Variants in LRP1 observed in about 807,000 individuals in gnomAD.
The protein encoded by LRP1 is prolow-density lipoprotein receptor-related protein 1.
Under a neutral mutation model 541.5 loss-of-function variants are expected in LRP1, and 51 were observed. That is an observed-to-expected ratio of 0.09 (90% CI 0.08 to 0.12). The LOEUF is 0.12. Ranked by LOEUF, LRP1 falls within the 10% of genes least tolerant of loss-of-function variation. LRP1 has a pLI of 1.00. For synonymous variants in LRP1, 2,219 were observed against 2,470.8 expected (o/e 0.90, Z 3.02); for missense variants, 3,878 against 6,376.2 (o/e 0.61, Z 13.34).
In LRP1 at chr12:57,202,543, T is replaced by TGGGCGCC; in HGVS notation, c.10711+6_10711+7insGGGCGCC. ...CTCCGATGAAGAGAGCTGCAGTACGTCCCCACCCACCCAGCCCCGCATGAG... is the reference window on the plus strand; with the variant it reads ...CTCCGATGAAGAGAGCTGCAGTACGTGGGCGCCCCCCACCCACCCAGCCCCGCATGAG... On this transcript the variant is annotated splice_region_variant and intron_variant, in intron 68 of 88. Coordinates refer to ENST00000243077, the MANE Select transcript of LRP1 (RefSeq NM_002332.3). 6.6e-7 allele frequency: 1 copy of TGGGCGCC among 1,523,634 alleles called. No individual in the cohort carries two copies. The highest frequency in any genetic ancestry group is 8.9e-7 in the Non-Finnish European group (1 of 1,124,812). 94.4% of individuals were successfully genotyped at this position (1,523,634 alleles called of 1,614,324 possible).
At chr12:57,172,248 G>A (rs1004082159) in intron 20 of LRP1, among the ~76,000 whole-genome samples, 6 of 151,802 alleles carry the variant, frequency 4.0e-5, no homozygotes, top group African/African-American at 1.2e-4. Flanking sequence ...TCAGCTCACT[G>A]CAAGCTCCGC....
rs749283705 is a variant in LRP1 at position 57,197,135 on chromosome 12, G to A, written c.9046G>A (p.Gly3016Ser). The A allele has an allele frequency of 2.2e-5, 36 of 1,613,822 alleles. No individual in the cohort carries two copies. The highest frequency in any genetic ancestry group is 2.1e-4 in the South Asian group (19 of 91,086). Residue 3016 changes from glycine to serine, a missense_variant, in exon 56 of 89, where the codon GGC (glycine) becomes AGC (serine). Transcript: ENST00000243077. This position sits in a 1 kb window ranked among gnomAD's most constrained non-coding sequence, Gnocchi z 4.5. ...TGTGGAGGGCTATGCACCCCGCGGC[G>A]GCGACCCCCACAGCTGCAAGGCTGT... ...LCVEGYAPRG[G>S]DPHSCKAVTD... is the part of the protein sequence containing the mutation.
Position 57,158,457 on chromosome 12 carries a change from G to T in LRP1, c.1617G>T (p.Arg539=), listed in dbSNP as rs546104565. The change falls in exon 11 of 89, where the codon CGG becomes CGT. Residue 539 remains arginine (R), a synonymous_variant. Coordinates refer to ENST00000243077, the MANE Select transcript of LRP1 (RefSeq NM_002332.3). The surrounding 1 kb of genome is among the most constrained non-coding windows in gnomAD (Gnocchi z 5.3). The stretch of plus-strand genomic sequence containing the variant: ...GCAAGGGCCGGCCAGGCATCATCCG[G>T]GGCATGGATATGGGGGCCAAGGTCC... ...VYGKGRPGII[R]GMDMGAKVPD... 1.4e-4 allele frequency: 222 copies of T among 1,614,014 alleles called. 1 individual carries two copies. The highest frequency in any genetic ancestry group is 1.8e-4 in the Non-Finnish European group (211 of 1,179,968).
chr12:57,206,635 A>G lies in LRP1; in HGVS notation c.11753A>G (p.Asn3918Ser), dbSNP rs1463876653. 21 of 1,613,960 alleles carry G rather than the reference A, an allele frequency of 1.3e-5. No individual in the cohort carries two copies. Among genetic ancestry groups the G allele is most frequent in the Non-Finnish European group, 1.6e-5 (19 of 1,180,028 alleles). Residue 3918 changes from asparagine to serine, a missense_variant, in exon 76 of 89, where the codon AAC becomes AGC. Physicochemically the swap from Asn to Ser is conservative, Grantham distance 46. This residue lies in a region of LRP1 where 871 missense variants were observed against 1,212.4 expected (regional missense o/e 0.72). Coordinates refer to ENST00000243077, the MANE Select transcript of LRP1 (RefSeq NM_002332.3). The surrounding 1 kb of genome is among the most constrained non-coding windows in gnomAD (Gnocchi z 4.7). ...AAGGCTGGCCGTGTCTATTGGACCAACTGGCACACGGGCACCATCTCCTAC... is the reference window on the plus strand; with the variant it reads ...AAGGCTGGCCGTGTCTATTGGACCAGCTGGCACACGGGCACCATCTCCTAC... ...HVKAGRVYWT[N>S]WHTGTISYRS...
intron 1 of LRP1, among the ~76,000 whole-genome samples, chr12:57,129,850 T>C (rs766151761): frequency 1.9e-4 from 29 of 152,150 alleles, no homozygotes; most frequent in Non-Finnish European, 3.8e-4. Context: ...TCTGGCTTCA[T>C]CACAGTTTGG....
Position 57,167,053 on chromosome 12 carries a change from G to A in LRP1, c.2914+7G>A. The A allele has an allele frequency of 6.2e-7, 1 of 1,610,592 alleles. No homozygotes were observed. Among genetic ancestry groups the A allele is most frequent in the Non-Finnish European group, 8.5e-7 (1 of 1,176,966 alleles). Reference sequence around the variant, plus strand: ...GATGAGTCTGCTTCGTGTGGTAAGAGGGATGGGCAGAGGGAGTCAGGCTGG... The same window carrying A: ...GATGAGTCTGCTTCGTGTGGTAAGAAGGATGGGCAGAGGGAGTCAGGCTGG... On this transcript the variant is annotated splice_region_variant and intron_variant, in intron 18 of 88. Coordinates refer to ENST00000243077, the MANE Select transcript of LRP1 (RefSeq NM_002332.3).
At position 57,143,790 on chromosome 12, in the gene LRP1, C is replaced by A. The variant is rs1406999652; in HGVS notation, c.440C>A (p.Thr147Asn). ...SSFQLQADGK[T>N]CKDFDECSVY... ...TTTCAGCTTCAGGCAGATGGCAAGA[C>A]CTGCAAAGGTATGTGAGTGCATGTG... The change falls in exon 4 of 89, where the codon ACC becomes AAC. Residue 147 changes from threonine to asparagine, a missense_variant. Physicochemically the swap from Thr to Asn is moderately conservative, Grantham distance 65. Transcript: ENST00000243077. The A allele has an allele frequency of 3.1e-6, 5 of 1,613,680 alleles. No homozygotes were observed. The highest frequency in any genetic ancestry group is 1.1e-5 in the South Asian group (1 of 90,988).
At position 57,180,394 on chromosome 12, in the gene LRP1, C is replaced by G; in HGVS notation, c.5301C>G (p.Asn1767Lys). 1 of 1,614,200 alleles carries G rather than the reference C, an allele frequency of 6.2e-7. No homozygotes were observed. Among genetic ancestry groups the G allele is most frequent in the Non-Finnish European group, 8.5e-7 (1 of 1,180,044 alleles). The change falls in exon 32 of 89, where the codon AAC (asparagine) becomes AAG (lysine). Residue 1767 changes from asparagine (N) to lysine (K), a missense_variant. By Grantham distance (94) the Asn-to-Lys change is moderately conservative. This residue lies in a region of LRP1 where 394 missense variants were observed against 635.9 expected (regional missense o/e 0.62). Coordinates refer to ENST00000243077, the MANE Select transcript of LRP1 (RefSeq NM_002332.3). ...TCAGCTCCGGGAACCATACCATCAA[C>G]CGCTGCAACCTGGATGGGAGTGGGC... ...YWISSGNHTI[N>K]RCNLDGSGLE...
intron 1 of LRP1, 188 bp downstream of exon 1, chr12:57,129,219 A>C (rs1250414500): frequency 4.9e-6 from 3 of 609,444 alleles, no homozygotes; most frequent in Admixed American, 2.8e-5. Flanking sequence ...GCCCTGGGCA[A>C]ATGATGCTTC....
Position 57,162,823 on chromosome 12 carries a change from C to T in LRP1, c.2405-35C>T. Reference sequence around the variant, plus strand: ...TTCTCTGACCTCTCCTCACCTCTTCCTCCCTTTGCCTTTCCCCATGGCCCT... The same window carrying T: ...TTCTCTGACCTCTCCTCACCTCTTCTTCCCTTTGCCTTTCCCCATGGCCCT... On this transcript the variant is annotated intron_variant, in intron 14 of 88. Transcript: ENST00000243077. The surrounding 1 kb of genome is among the most constrained non-coding windows in gnomAD (Gnocchi z 5.2). 1 of 1,582,808 alleles carries T rather than the reference C, an allele frequency of 6.3e-7. No homozygotes were observed. Among genetic ancestry groups the T allele is most frequent in the South Asian group, 1.2e-5 (1 of 86,500 alleles).
chr12:57,209,382 C>T (rs534281777), intron 79 of LRP1, among the ~76,000 whole-genome samples, 183 bp downstream of exon 79: 1 of 152,384 alleles, frequency 6.6e-6, no homozygotes, highest in South Asian at 2.1e-4. Context: ...GCCTGAGACC[C>T]ACCCTGACCC....
At position 57,206,656 on chromosome 12, in the gene LRP1, C is replaced by T; in HGVS notation, c.11774C>T (p.Ser3925Phe). 4 of 1,613,966 alleles carry T rather than the reference C, an allele frequency of 2.5e-6. No individual in the cohort carries two copies. Among genetic ancestry groups the T allele is most frequent in the Non-Finnish European group, 3.4e-6 (4 of 1,180,034 alleles). The change falls in exon 76 of 89, where the codon TCC becomes TTC. Residue 3925 changes from serine (S) to phenylalanine (F), a missense_variant. This residue lies in a region of LRP1 where 871 missense variants were observed against 1,212.4 expected (regional missense o/e 0.72). Transcript: ENST00000243077. This position sits in a 1 kb window ranked among gnomAD's most constrained non-coding sequence, Gnocchi z 4.7. ...YWTNWHTGTI[S>F]YRSLPPAAPP... The stretch of plus-strand genomic sequence containing the variant: ...ACCAACTGGCACACGGGCACCATCT[C>T]CTACCGCAGCCTGCCACCTGCTGCG...
Position 57,194,669 on chromosome 12 carries a change from T to C in LRP1, c.8161T>C (p.Cys2721Arg). Residue 2721 changes from cysteine (C) to arginine (R), a missense_variant, in exon 50 of 89, where the codon TGT (cysteine) becomes CGT (arginine). By Grantham distance (180) the Cys-to-Arg change is radical. Around this residue, in one of 13 missense-constraint regions of LRP1, gnomAD observed 1,100 missense variants for 1,827.4 expected, o/e 0.60. Transcript: ENST00000243077. Reference protein sequence around the residue: ...MSWTCDKEDDCEHGEDETHCN... With the variant: ...MSWTCDKEDDREHGEDETHCN... ...CTGGACGTGTGACAAAGAGGATGAC[T>C]GTGAACATGGCGAGGACGAGACCCA... 6.3e-7 allele frequency: 1 copy of C among 1,592,750 alleles called. No homozygotes were observed. The highest frequency in any genetic ancestry group is 8.5e-7 in the Non-Finnish European group (1 of 1,169,654).
At position 57,179,379 on chromosome 12, in the gene LRP1, G is replaced by A. The variant is rs765334064; in HGVS notation, c.4789G>A (p.Asp1597Asn). Residue 1597 changes from aspartate (D) to asparagine (N), a missense_variant, in exon 29 of 89, where the codon GAC becomes AAC. Asp to Asn is a conservative substitution (Grantham distance 23). Around this residue, in one of 13 missense-constraint regions of LRP1, gnomAD observed 394 missense variants for 635.9 expected, o/e 0.62. Transcript: ENST00000243077. The surrounding 1 kb of genome is among the most constrained non-coding windows in gnomAD (Gnocchi z 6.8). ...ACGTCAGATGGAGATCCGAGGTGTGGACCTGGATGCTCCCTACTACAACTA... is the reference window on the plus strand; with the variant it reads ...ACGTCAGATGGAGATCCGAGGTGTGAACCTGGATGCTCCCTACTACAACTA... ...YARQMEIRGV[D>N]LDAPYYNYII... 6.2e-7 allele frequency: 1 copy of A among 1,614,222 alleles called. No individual in the cohort carries two copies. The highest frequency in any genetic ancestry group is 1.1e-5 in the South Asian group (1 of 91,076).
intron 43 of LRP1, 43 bp downstream of exon 43, chr12:57,191,052 G>A (rs1389516707): frequency 1.3e-6 from 2 of 1,556,668 alleles, no homozygotes; most frequent in African/African-American, 2.7e-5. Flanking sequence ...GCTGAGGGGA[G>A]GCCAGGGCCA....
intron 6 of LRP1, among the ~76,000 whole-genome samples, chr12:57,147,922 T>A (rs2035446251): frequency 6.6e-6 from 1 of 152,214 alleles, no homozygotes; most frequent in South Asian, 2.1e-4. Context: ...CCCCCTGGAT[T>A]GGGTGGGTCA....
chr12:57,137,483 C>T (rs2035196665), intron 1 of LRP1, among the ~76,000 whole-genome samples: 1 of 152,118 alleles, frequency 6.6e-6, no homozygotes. Flanking sequence ...TTAGGTGCTT[C>T]TTAACTCTAA....
At chr12:57,134,951 T>C (rs1370701075) in intron 1 of LRP1, among the ~76,000 whole-genome samples, 1 of 152,176 alleles carries the variant, frequency 6.6e-6, no homozygotes, top group African/African-American at 2.4e-5. Flanking sequence ...ATGATCTGCC[T>C]GCTTCGGCCT....
intron 22 of LRP1, 42 bp downstream of exon 22, chr12:57,174,022 G>A (rs973182382): frequency 8.2e-6 from 13 of 1,594,270 alleles, no homozygotes; most frequent in East Asian, 2.3e-5. Flanking sequence ...GGGTGGCTGG[G>A]TAGGAGTCTG....
Sources: gnomAD v4.1 joint callset for allele counts (sites outside exome capture counted in the v4.1 genomes callset) on GRCh38, gnomAD v4.1.1 for gene constraint, gnomAD v4.1.1 regional missense constraint, Gnocchi (gnomAD v3.1) non-coding constraint, MANE v1.5 for transcripts, NCBI Gene and HGNC (gene_info 2026-07-23, HGNC 2026-07-21) for gene names.